Variants in RAP2A observed in about 807,000 individuals in gnomAD.
The protein encoded by RAP2A is ras-related protein Rap-2a.
Under a neutral mutation model 15.1 loss-of-function variants are expected in RAP2A, and 5 were observed. The ratio of observed to expected loss-of-function variants is 0.33; its 90% CI spans 0.17 to 0.70. RAP2A has a LOEUF of 0.70. Among genes scored for constraint, RAP2A ranks in the 30% least tolerant of loss-of-function variants. The pLI is 0.68. For synonymous variants in RAP2A, 110 were observed against 99.7 expected, an observed-to-expected ratio of 1.10 and a Z score of -0.62; for missense variants, 111 against 240.3, an observed-to-expected ratio of 0.46 and a Z score of 3.56.
rs569005727 is a variant in RAP2A at position 97,466,246 on chromosome 13, G to A, written c.*1804G>A. 37 of 150,256 alleles carry A rather than the reference G, an allele frequency of 2.5e-4. No homozygotes were observed. In the South Asian group the frequency reaches 7.6e-3, roughly 31 times the overall value. 9.3% of individuals were successfully genotyped at this position (150,256 alleles called of 1,614,324 possible). A position where few individuals can be genotyped will look rare whatever the true frequency, so the allele number is the denominator to read the frequency against. On this transcript the variant is annotated 3_prime_UTR_variant, in exon 2 of 2. Transcript: ENST00000245304. Reference sequence around the variant, plus strand: ...AAAGATTGATAGTATTTTTCATAATGAAAAAACTGAAGAGATACGTGAATG... The same window carrying A: ...AAAGATTGATAGTATTTTTCATAATAAAAAAACTGAAGAGATACGTGAATG...
At chr13:97,442,747 ACTAT>A (rs1404556604) in intron 1 of RAP2A, among the ~76,000 whole-genome samples, 3 of 152,204 alleles carry the variant, frequency 2.0e-5, no homozygotes, top group Non-Finnish European at 2.9e-5. Context: ...ACTAAATGTA[ACTAT>A]CTGTTTAATA....
intron 1 of RAP2A, among the ~76,000 whole-genome samples, chr13:97,440,828 AT>A (rs747905479): frequency 5.3e-5 from 8 of 151,728 alleles, no homozygotes; most frequent in Non-Finnish European, 7.4e-5. Flanking sequence ...TCATTCATTC[AT>A]TTTTTTTGTA....
chr13:97,463,286 C>T (rs529639884), intron 1 of RAP2A, among the ~76,000 whole-genome samples: 1 of 152,336 alleles, frequency 6.6e-6, no homozygotes, highest in African/African-American at 2.4e-5. Context: ...CATGGAGTAA[C>T]CATTGTAGAG....
chr13:97,456,465 C>T (rs1301250753), intron 1 of RAP2A, among the ~76,000 whole-genome samples: 1 of 152,086 alleles, frequency 6.6e-6, no homozygotes, highest in Non-Finnish European at 1.5e-5. Context: ...TTATGCTATC[C>T]TGGCCACAAT....
intron 1 of RAP2A, among the ~76,000 whole-genome samples, chr13:97,460,664 C>T (rs2066742523): frequency 6.6e-6 from 1 of 152,186 alleles, no homozygotes. Flanking sequence ...CAGATTTCTC[C>T]AAATGTTACC....
chr13:97,452,459 A>G (rs1039410580), intron 1 of RAP2A, among the ~76,000 whole-genome samples: 4 of 151,146 alleles, frequency 2.6e-5, no homozygotes, highest in Non-Finnish European at 4.4e-5. Flanking sequence ...TTTCTAGGCT[A>G]TTTTCTCTTT....
At chr13:97,464,147 C>T (rs1055822511) in intron 1 of RAP2A, 58 bp from the exon 2 acceptor site, 98 of 1,550,426 alleles carry the variant, frequency 6.3e-5, no homozygotes, top group Non-Finnish European at 8.5e-5. Flanking sequence ...TACACGTGAC[C>T]TGTTTAACTT....
chr13:97,434,376 C>T lies in RAP2A; in HGVS notation c.-95C>T. The stretch of plus-strand genomic sequence containing the variant: ...AGGTGGGGGCGGCAGCGGGAGGCGG[C>T]GGGGCGGGCCGCCGGGGCCGGGGCT... On this transcript the variant is annotated 5_prime_UTR_variant, in exon 1 of 2. Coordinates refer to ENST00000245304, the MANE Select transcript of RAP2A (RefSeq NM_021033.7). The T allele has an allele frequency of 1.0e-6, 1 of 955,898 alleles. No individual in the cohort carries two copies. The highest frequency in any genetic ancestry group is 1.2e-6 in the Non-Finnish European group (1 of 807,792). 59.2% of individuals were successfully genotyped at this position (955,898 alleles called of 1,614,324 possible). A position where few individuals can be genotyped will look rare whatever the true frequency, so the allele number is the denominator to read the frequency against.
chr13:97,437,285 A>T (rs2066638154), intron 1 of RAP2A: 1 of 152,186 alleles, frequency 6.6e-6, no homozygotes, highest in South Asian at 2.1e-4. Context: ...ACCACATCTC[A>T]ATTCAAACAA....
intron 1 of RAP2A, among the ~76,000 whole-genome samples, chr13:97,458,962 A>T (rs894791616): frequency 2.4e-4 from 37 of 152,154 alleles, no homozygotes; most frequent in African/African-American, 8.2e-4. Flanking sequence ...TTATTTATAC[A>T]TTTATAATCA....
chr13:97,449,403 G>A (rs927324579), intron 1 of RAP2A, among the ~76,000 whole-genome samples: 1 of 152,152 alleles, frequency 6.6e-6, no homozygotes, highest in Non-Finnish European at 1.5e-5. Flanking sequence ...TAGTGGGAGT[G>A]AAAATGATGG....
At chr13:97,455,222 T>G (rs1414187229) in intron 1 of RAP2A, among the ~76,000 whole-genome samples, 1 of 151,552 alleles carries the variant, frequency 6.6e-6, no homozygotes, top group Non-Finnish European at 1.5e-5. Flanking sequence ...ATCTCAGATA[T>G]TACAGTTTTC....
intron 1 of RAP2A, 25 bp from the exon 2 acceptor site, chr13:97,464,179 TG>T (rs772847863): frequency 6.2e-7 from 1 of 1,607,002 alleles, no homozygotes. Flanking sequence ...TTACAATGTA[TG>T]TGTGTTTTGT....
chr13:97,434,824 G>A (rs932821399), intron 1 of RAP2A, 40 bp downstream of exon 1: 7 of 1,604,742 alleles, frequency 4.4e-6, no homozygotes, highest in African/African-American at 2.7e-5. Flanking sequence ...CTGCACCCCG[G>A]AGTCACCGTC....
At chr13:97,460,550 CAGAT>C (rs1195701425) in intron 1 of RAP2A, among the ~76,000 whole-genome samples, 4 of 152,020 alleles carry the variant, frequency 2.6e-5, no homozygotes, top group Non-Finnish European at 5.9e-5. Flanking sequence ...ATTGCTAAAA[CAGAT>C]AGCAACACCA....
In RAP2A at chr13:97,438,274, G is replaced by C. The variant is rs566370343; in HGVS notation, c.314+3490G>C. Among the ~76,000 whole-genome samples the C allele has an allele frequency of 3.3e-5, 5 of 152,256 alleles. No homozygotes were observed. The East Asian group carries it at 9.7e-4, about 29-fold the overall frequency. On this transcript the variant is annotated intron_variant, in intron 1 of 1. Coordinates refer to ENST00000245304, the MANE Select transcript of RAP2A (RefSeq NM_021033.7). ...GAAAAAGTCCAGAAATCTTCAACAT[G>C]ACCTTTCACAGTCCAGCTTGCTCTT...
chr13:97,434,902 G>A (rs2153178821), intron 1 of RAP2A, 118 bp downstream of exon 1: 2 of 1,387,550 alleles, frequency 1.4e-6, no homozygotes, highest in Non-Finnish European at 1.9e-6. Flanking sequence ...CCAAGCTGGA[G>A]GCTTTACTAT....
chr13:97,457,213 G>C (rs1367652188), intron 1 of RAP2A, among the ~76,000 whole-genome samples: 1 of 151,556 alleles, frequency 6.6e-6, no homozygotes, highest in African/African-American at 2.4e-5. Flanking sequence ...GGCTCAAAAG[G>C]TATGCAAAAG....
At chr13:97,453,514 A>G (rs2066710961) in intron 1 of RAP2A, among the ~76,000 whole-genome samples, 1 of 151,244 alleles carries the variant, frequency 6.6e-6, no homozygotes, top group Admixed American at 6.6e-5. Flanking sequence ...TTACTCAGCT[A>G]AATTCCCTGG....
Sources: gnomAD v4.1 joint callset for allele counts (sites outside exome capture counted in the v4.1 genomes callset) on GRCh38, gnomAD v4.1.1 for gene constraint, MANE v1.5 for transcripts, NCBI Gene and HGNC (gene_info 2026-07-23, HGNC 2026-07-21) for gene names.